IQUB: variants seen among roughly 807,000 people sequenced by gnomAD.
The protein encoded by IQUB is IQ motif and ubiquitin-like domain-containing protein.
IQUB carries 86 observed loss-of-function variants against 86.4 expected under a neutral mutation model. The ratio of observed to expected loss-of-function variants is 1.00; its 90% CI spans 0.84 to 1.19. The LOEUF is 1.19. Among genes scored for constraint, IQUB ranks in the 50% most tolerant of loss-of-function variants. The pLI is 0.00. For missense variants in IQUB, 946 were observed against 916.9 expected, an observed-to-expected ratio of 1.03 and a Z score of -0.41; for synonymous variants, 289 against 304.5, an observed-to-expected ratio of 0.95 and a Z score of 0.53.
rs191932317 is a variant in IQUB, at chr7:123,532,542, T to C, written c.-5+1950A>G. On this transcript the variant is annotated intron_variant, in intron 1 of 12. Coordinates refer to ENST00000324698, the MANE Select transcript of IQUB (RefSeq NM_178827.5). ...TAATTCTTGGGACCACTGAGAACAATACACAGACCTTTGGGTAACTTCAAG... is the reference window on the plus strand; with the variant it reads ...TAATTCTTGGGACCACTGAGAACAACACACAGACCTTTGGGTAACTTCAAG... 5 of 152,226 alleles carry C rather than the reference T, an allele frequency of 3.3e-5. No homozygotes were observed. In the East Asian group the frequency reaches 7.8e-4, roughly 24 times the overall value. The allele number at this position is 152,226 out of a possible 1,614,324, so 9.4% of individuals were successfully genotyped here.
At chr7:123,462,699 T>C (rs537595124) in intron 10 of IQUB, 26 of 312,466 alleles carry the variant, frequency 8.3e-5, no homozygotes, top group Admixed American at 6.8e-4. Context: ...TCTTGAATGA[T>C]TATTTTATCT....
chr7:123,522,837 A>C (rs974649632), intron 1 of IQUB, among the ~76,000 whole-genome samples: 2 of 144,456 alleles, frequency 1.4e-5, no homozygotes, highest in African/African-American at 2.6e-5. Flanking sequence ...ATATCTCCCA[A>C]TGCTATCCCT....
chr7:123,471,553 T>C (rs1163931408), intron 8 of IQUB, among the ~76,000 whole-genome samples: 1 of 152,210 alleles, frequency 6.6e-6, no homozygotes, highest in Admixed American at 6.5e-5. Flanking sequence ...ATAATTCAAA[T>C]ACAATAACCT....
intron 3 of IQUB, among the ~76,000 whole-genome samples, chr7:123,509,166 G>T (rs1011004067): frequency 6.6e-6 from 1 of 152,016 alleles, no homozygotes; most frequent in African/African-American, 2.4e-5. Flanking sequence ...ATTAGGATCT[G>T]TTCAGACATA....
At chr7:123,523,655 C>T (rs1357892616) in intron 1 of IQUB, among the ~76,000 whole-genome samples, 3 of 151,508 alleles carry the variant, frequency 2.0e-5, no homozygotes, top group African/African-American at 7.3e-5. Context: ...TTGTAGGTTG[C>T]CTGTTCACTC....
chr7:123,485,448 T>C (rs961140994), intron 7 of IQUB, among the ~76,000 whole-genome samples: 1 of 152,096 alleles, frequency 6.6e-6, no homozygotes, highest in Non-Finnish European at 1.5e-5. Flanking sequence ...TTTCAACATA[T>C]GGATTTGGGG....
chr7:123,499,965 G>A (rs1018727140), intron 6 of IQUB, among the ~76,000 whole-genome samples: 4 of 152,106 alleles, frequency 2.6e-5, no homozygotes, highest in East Asian at 1.9e-4. Context: ...CCAACATGGC[G>A]ACAAGAGCGA....
intron 6 of IQUB, among the ~76,000 whole-genome samples, chr7:123,498,546 T>C (rs1291914310): frequency 1.3e-5 from 2 of 152,218 alleles, no homozygotes; most frequent in African/African-American, 4.8e-5. Flanking sequence ...GTTCAACTTA[T>C]TTAAAACACC....
At position 123,471,359 on chromosome 7, in the gene IQUB, T is replaced by C. The variant is rs147269859; in HGVS notation, c.1411-1975A>G. 1.2e-3 allele frequency among the ~76,000 whole-genome samples: 183 copies of C among 152,280 alleles called. 4 individuals are homozygous for C. In the East Asian group the frequency reaches 0.029, roughly 24 times the overall value. On this transcript the variant is annotated intron_variant, in intron 8 of 12. Coordinates refer to ENST00000324698, the MANE Select transcript of IQUB (RefSeq NM_178827.5). ...TGAAGTTTGATGCTTATTTTAAAGC[T>C]CTTTTTAAAAAGTTTTTAAAGGCTA...
intron 6 of IQUB, 114 bp from the exon 7 acceptor site, chr7:123,497,020 GT>G: frequency 1.6e-6 from 1 of 636,520 alleles, no homozygotes; most frequent in Non-Finnish European, 2.6e-6. Context: ...ACTGAGTCTA[GT>G]TTTAGCTCCA....
chr7:123,526,854 G>A (rs987389557), intron 1 of IQUB, among the ~76,000 whole-genome samples: 27 of 152,086 alleles, frequency 1.8e-4, no homozygotes, highest in Admixed American at 1.1e-3. Flanking sequence ...TCCTTTCCAC[G>A]TTTAGCGCTT....
intron 10 of IQUB, among the ~76,000 whole-genome samples, chr7:123,464,060 A>T (rs1525628): frequency 0.81 from 123,054 of 151,608 alleles, 49,988 homozygotes; most frequent in Admixed American, 0.83. Context: ...AAATATGAGA[A>T]TTTGTTTTTT....
rs1344314076 is a variant in IQUB at position 123,461,414 on chromosome 7, C to G, written c.1950G>C (p.Gln650His). The change falls in exon 11 of 13, where the codon CAG (glutamine) becomes CAC (histidine). Residue 650 changes from glutamine to histidine, a missense_variant. Gln to His is a conservative substitution (Grantham distance 24, BLOSUM62 0). Transcript: ENST00000324698. ...SFLKYKCLLQ[Q>H]LYYTEADYED... is the part of the protein sequence containing the mutation. The stretch of plus-strand genomic sequence containing the variant: ...CATAATCAGCTTCTGTATAGTAGAG[C>G]TGTTGAAGTAAACATTTGTACTTCA... 2 of 1,611,908 alleles carry G rather than the reference C, an allele frequency of 1.2e-6. No homozygotes were observed. The highest frequency in any genetic ancestry group is 1.7e-6 in the Non-Finnish European group (2 of 1,178,526).
intron 7 of IQUB, 130 bp from the exon 8 acceptor site, chr7:123,480,100 G>T: frequency 1.5e-6 from 1 of 669,010 alleles, no homozygotes; most frequent in Non-Finnish European, 2.4e-6. Context: ...CATTTCTATT[G>T]TACACCTGAT....
At chr7:123,470,712 G>T (rs1033794444) in intron 8 of IQUB, among the ~76,000 whole-genome samples, 2 of 152,014 alleles carry the variant, frequency 1.3e-5, no homozygotes, top group Admixed American at 6.6e-5. Flanking sequence ...TTAGCCGGGC[G>T]TGGTGACGGA....
chr7:123,488,469 G>A (rs567692876), intron 7 of IQUB, among the ~76,000 whole-genome samples: 1 of 152,156 alleles, frequency 6.6e-6, no homozygotes, highest in Non-Finnish European at 1.5e-5. Context: ...AGCTTCAAGA[G>A]CCCTGAGCAC....
intron 1 of IQUB, among the ~76,000 whole-genome samples, chr7:123,534,144 G>T (rs768840786): frequency 2.0e-5 from 3 of 152,180 alleles, no homozygotes; most frequent in Non-Finnish European, 4.4e-5. Context: ...GGTGGCCACG[G>T]AAGGCTAAGA....
Position 123,512,181 on chromosome 7 carries a change from C to G in IQUB, c.160G>C (p.Glu54Gln). The G allele has an allele frequency of 6.2e-7, 1 of 1,614,062 alleles. No homozygotes were observed. Residue 54 changes from glutamate to glutamine, a missense_variant, in exon 2 of 13, where the codon GAG (glutamate) becomes CAG (glutamine). Coordinates refer to ENST00000324698, the MANE Select transcript of IQUB (RefSeq NM_178827.5). Reference protein sequence around the residue: ...EHESGIEQFSESHAIHVEEQS... With the variant: ...EHESGIEQFSQSHAIHVEEQS... ...TCCTCAACATGTATTGCATGGCTCTCACTGAATTGTTCTATTCCAGATTCA... is the reference window on the plus strand; with the variant it reads ...TCCTCAACATGTATTGCATGGCTCTGACTGAATTGTTCTATTCCAGATTCA...
chr7:123,515,163 C>G (rs568886269), intron 1 of IQUB, among the ~76,000 whole-genome samples: 31 of 152,152 alleles, frequency 2.0e-4, no homozygotes, highest in Middle Eastern at 3.4e-3. Flanking sequence ...ATTATTTTCT[C>G]CTGTAACAGA....
Sources: allele counts gnomAD v4.1 joint callset (sites outside exome capture counted in the v4.1 genomes callset), GRCh38; gene constraint gnomAD v4.1.1; transcripts MANE v1.5; gene names NCBI Gene and HGNC (gene_info 2026-07-23, HGNC 2026-07-21).